DPP6: variants seen among roughly 807,000 people sequenced by gnomAD.
DPP6 encodes dipeptidyl peptidase like 6.
Under a neutral mutation model 122.6 loss-of-function variants are expected in DPP6, and 69 were observed. The ratio of observed to expected loss-of-function variants is 0.56; its 90% CI spans 0.46 to 0.69. The LOEUF is 0.69. Ranked by LOEUF, DPP6 falls within the 30% of genes least tolerant of loss-of-function variation. The pLI is 0.00. For synonymous variants in DPP6, 418 were observed against 433.1 expected (o/e 0.97, Z 0.43); for missense variants, 928 against 1,116.9 (o/e 0.83, Z 2.41).
At chr7:153,866,898 A>G in the DPP6 span, among the ~76,000 whole-genome samples, 1 of 152,110 alleles carries the variant, frequency 6.6e-6, no homozygotes, top group African/African-American at 2.4e-5. Context: ...ACCATTTATT[A>G]AATAGGGAAT....
At chr7:154,814,577 A>G (rs1227993828) in intron 16 of DPP6, among the ~76,000 whole-genome samples, 1 of 152,182 alleles carries the variant, frequency 6.6e-6, no homozygotes, top group Non-Finnish European at 1.5e-5. Context: ...TTTAAAGAAA[A>G]AAAGCACTCA....
chr7:154,273,379 G>A (rs1012370822), intron 1 of DPP6, among the ~76,000 whole-genome samples: 2 of 152,120 alleles, frequency 1.3e-5, no homozygotes, highest in Non-Finnish European at 2.9e-5. Context: ...AATACAACCT[G>A]CGTTACAGCC....
chr7:154,488,761 G>A (rs1444136310), intron 3 of DPP6, among the ~76,000 whole-genome samples: 1 of 152,116 alleles, frequency 6.6e-6, no homozygotes, highest in African/African-American at 2.4e-5. Context: ...CAGGCATGAA[G>A]CTATGTCCTA....
the DPP6 span, among the ~76,000 whole-genome samples, chr7:153,843,586 G>T: frequency 6.6e-6 from 1 of 152,158 alleles, no homozygotes. Flanking sequence ...AGTTTAGTGA[G>T]GGTGGGGGTA....
intron 5 of DPP6, among the ~76,000 whole-genome samples, chr7:154,610,182 C>T (rs1282821328): frequency 6.6e-6 from 1 of 152,142 alleles, no homozygotes; most frequent in Non-Finnish European, 1.5e-5. Flanking sequence ...AGAGAGAAGA[C>T]GTCTGTTAAT....
At chr7:154,880,332 G>A (rs1052044120) in intron 20 of DPP6, among the ~76,000 whole-genome samples, 37 of 152,356 alleles carry the variant, frequency 2.4e-4, no homozygotes, top group Admixed American at 4.6e-4. Context: ...AGGCTGGGCC[G>A]TAGCAGGAAG....
chr7:154,138,994 C>T (rs1563238671), intron 1 of DPP6, among the ~76,000 whole-genome samples: 3 of 152,188 alleles, frequency 2.0e-5, no homozygotes, highest in East Asian at 1.9e-4. Flanking sequence ...TCCATTTATG[C>T]GGCTCTCTTC....
intron 1 of DPP6, among the ~76,000 whole-genome samples, chr7:153,956,155 G>A (rs891782687): frequency 6.6e-6 from 1 of 152,156 alleles, no homozygotes; most frequent in Non-Finnish European, 1.5e-5. Flanking sequence ...TGAAGTTGAC[G>A]AACACTTCGG....
At chr7:154,768,884 T>G (rs1796066116) in intron 8 of DPP6, among the ~76,000 whole-genome samples, 1 of 152,202 alleles carries the variant, frequency 6.6e-6, no homozygotes, top group Non-Finnish European at 1.5e-5. Context: ...GCAAGGAGCA[T>G]GCTGGGCCTT....
At chr7:154,768,437 T>C (rs1287577131) in intron 8 of DPP6, among the ~76,000 whole-genome samples, 1 of 152,242 alleles carries the variant, frequency 6.6e-6, no homozygotes, top group African/African-American at 2.4e-5. Context: ...CACCTAATAA[T>C]AGCGAGTTGA....
At chr7:154,478,910 A>G (rs1822987396) in intron 3 of DPP6, among the ~76,000 whole-genome samples, 1 of 152,136 alleles carries the variant, frequency 6.6e-6, no homozygotes, top group Non-Finnish European at 1.5e-5. Context: ...ATGAAGAAAA[A>G]TGGTGTAATT....
the DPP6 span, among the ~76,000 whole-genome samples, chr7:153,873,455 A>T: frequency 6.6e-6 from 1 of 152,242 alleles, no homozygotes; most frequent in Non-Finnish European, 1.5e-5. Context: ...AAAATAGACA[A>T]TAATTCTACC....
chr7:154,290,073 G>A (rs1477678174), intron 1 of DPP6, among the ~76,000 whole-genome samples: 2 of 152,182 alleles, frequency 1.3e-5, no homozygotes, highest in Admixed American at 6.5e-5. Flanking sequence ...GTTACACATG[G>A]ACACACTGCA....
At chr7:154,749,029 G>A (rs1216279756) in intron 8 of DPP6, among the ~76,000 whole-genome samples, 2 of 151,766 alleles carry the variant, frequency 1.3e-5, no homozygotes, top group African/African-American at 2.4e-5. Flanking sequence ...GGAGAGAGAG[G>A]GATGGAGGCT....
intron 1 of DPP6, among the ~76,000 whole-genome samples, chr7:154,011,418 C>T (rs544151546): frequency 3.6e-4 from 55 of 152,254 alleles, no homozygotes; most frequent in South Asian, 6.2e-4. Context: ...GTCTTTGGGC[C>T]GTTCCATTGC....
chr7:154,436,927 T>G (rs1249019652), intron 1 of DPP6, among the ~76,000 whole-genome samples: 1 of 152,264 alleles, frequency 6.6e-6, no homozygotes, highest in Non-Finnish European at 1.5e-5. Context: ...TTCTTTACTG[T>G]CTGATCTATG....
chr7:154,723,844 C>T (rs1027363312), intron 7 of DPP6, among the ~76,000 whole-genome samples: 7 of 152,116 alleles, frequency 4.6e-5, no homozygotes, highest in African/African-American at 9.7e-5. Flanking sequence ...ACTCTTGGTC[C>T]GCATGCCTGA....
At chr7:154,012,430 C>T (rs1203543731) in intron 1 of DPP6, among the ~76,000 whole-genome samples, 1 of 152,000 alleles carries the variant, frequency 6.6e-6, no homozygotes, top group Admixed American at 6.6e-5. Flanking sequence ...AGATGTGACA[C>T]CAAATGCACA....
rs1291502339 is a variant in DPP6 at position 154,696,109 on chromosome 7, T to C, written c.762+26668T>C. Among the ~76,000 whole-genome samples the C allele has an allele frequency of 2.0e-5, 3 of 152,182 alleles. 1 individual carries two copies. The highest frequency in any genetic ancestry group is 6.8e-3 in the Middle Eastern group (2 of 294). The stretch of plus-strand genomic sequence containing the variant: ...GGGCGCTGAACCACCTCCACAAAAC[T>C]CATGCGATCCTCAGAGCCCCGCCTC... On this transcript the variant is annotated intron_variant, in intron 7 of 25. Coordinates refer to ENST00000377770, the MANE Select transcript of DPP6 (RefSeq NM_130797.4).
Sources: gnomAD v4.1 joint callset for allele counts (sites outside exome capture counted in the v4.1 genomes callset) on GRCh38, gnomAD v4.1.1 for gene constraint, MANE v1.5 for transcripts, NCBI Gene and HGNC (gene_info 2026-07-23, HGNC 2026-07-21) for gene names.